Variants in HOPX observed in about 807,000 individuals in gnomAD.
HOPX encodes homeodomain-only protein.
HOPX carries 5 observed loss-of-function variants against 11.8 expected under a neutral mutation model. The ratio of observed to expected loss-of-function variants is 0.43; its 90% CI spans 0.22 to 0.89. The LOEUF (loss-of-function observed/expected upper bound fraction) is 0.89. Among genes scored for constraint, HOPX ranks in the 40% least tolerant of loss-of-function variants. The pLI, the probability that HOPX is intolerant of heterozygous loss-of-function variation, is 0.28. For synonymous variants in HOPX, 49 were observed against 49.7 expected (o/e 0.99, Z 0.06); for missense variants, 119 against 120.0 (o/e 0.99, Z 0.04).
chr4:56,660,175 G>A (rs1262613312), intron 1 of HOPX, among the ~76,000 whole-genome samples: 2 of 152,118 alleles, frequency 1.3e-5, no homozygotes, highest in African/African-American at 2.4e-5. Context: ...AAAAGATTTG[G>A]CAGTCTTAAG....
At chr4:56,656,221 T>A in intron 2 of HOPX, 10 of 1,133,702 alleles carry the variant, frequency 8.8e-6, no homozygotes, top group Non-Finnish European at 1.1e-5. Context: ...GACTGAGCGC[T>A]GTTGCGGGCT....
At chr4:56,675,254 T>C (rs1000187458) in intron 1 of HOPX, among the ~76,000 whole-genome samples, 2 of 151,586 alleles carry the variant, frequency 1.3e-5, no homozygotes, top group Non-Finnish European at 2.9e-5. Flanking sequence ...GAGGTCAGAA[T>C]GAGGACTGGG....
chr4:56,675,519 G>C (rs555608338), intron 1 of HOPX, among the ~76,000 whole-genome samples: 4 of 151,756 alleles, frequency 2.6e-5, no homozygotes, highest in Non-Finnish European at 5.9e-5. Flanking sequence ...CACCAGACCT[G>C]TCCTCTGCTC....
chr4:56,676,300 A>C (rs1243444361), intron 1 of HOPX, among the ~76,000 whole-genome samples: 2 of 151,540 alleles, frequency 1.3e-5, no homozygotes, highest in African/African-American at 4.9e-5. Context: ...TGTCTCAAAA[A>C]CAACAAAAAG....
chr4:56,679,581 A>C (rs971140579), intron 1 of HOPX: 4 of 151,762 alleles, frequency 2.6e-5, no homozygotes, highest in African/African-American at 7.3e-5. Flanking sequence ...GGGTTCAAGC[A>C]ATTATCCTGT....
In HOPX at chr4:56,657,826, A is replaced by T; in HGVS notation, c.-10T>A. 2.0e-6 allele frequency: 3 copies of T among 1,519,358 alleles called. No individual in the cohort carries two copies. Among genetic ancestry groups the T allele is most frequent in the Non-Finnish European group, 2.7e-6 (3 of 1,117,426 alleles). The allele number at this position is 1,519,358 out of a possible 1,614,324, so 94.1% of individuals were successfully genotyped here. A position where few individuals can be genotyped will look rare whatever the true frequency, so the allele number is the denominator to read the frequency against. On this transcript the variant is annotated 5_prime_UTR_variant, in exon 2 of 4. The change abolishes the stop of an existing upstream ORF in the 5' untranslated region. Coordinates refer to ENST00000420433, the MANE Select transcript of HOPX (RefSeq NM_032495.6). Reference sequence around the variant, plus strand: ...CCAGGAAAATGAGCATAGGAAGACTAACTTTCTGAATGTTGCCCAGCTGGT... The same window carrying T: ...CCAGGAAAATGAGCATAGGAAGACTTACTTTCTGAATGTTGCCCAGCTGGT...
At chr4:56,656,267 C>T (rs1162429187) in intron 2 of HOPX, 32 of 1,165,300 alleles carry the variant, frequency 2.7e-5, no homozygotes, top group Non-Finnish European at 3.2e-5. Flanking sequence ...CTCCCGCGCC[C>T]CCCGGGACCC....
At chr4:56,678,524 C>T (rs1346402519) in intron 1 of HOPX, among the ~76,000 whole-genome samples, 5 of 148,290 alleles carry the variant, frequency 3.4e-5, no homozygotes, top group African/African-American at 1.0e-4. Context: ...CCGCTCACTG[C>T]AACCTCTGCC....
intron 1 of HOPX, among the ~76,000 whole-genome samples, chr4:56,676,935 G>T (rs930220744): frequency 6.6e-6 from 1 of 151,304 alleles, no homozygotes; most frequent in Admixed American, 6.6e-5. Context: ...GCCCGAATGG[G>T]CCCATGGCCA....
chr4:56,674,499 A>G (rs1017893909), intron 1 of HOPX, among the ~76,000 whole-genome samples: 6 of 151,664 alleles, frequency 4.0e-5, no homozygotes, highest in African/African-American at 1.2e-4. Flanking sequence ...CCTAGATGGA[A>G]TGACTAGACC....
intron 1 of HOPX, among the ~76,000 whole-genome samples, chr4:56,677,917 T>C (rs1719099179): frequency 6.6e-6 from 1 of 151,652 alleles, no homozygotes; most frequent in Non-Finnish European, 1.5e-5. Context: ...GAGTGCCCAG[T>C]GTGTACACTG....
At chr4:56,665,549 A>G (rs1718383529) in intron 1 of HOPX, 1 of 152,214 alleles carries the variant, frequency 6.6e-6, no homozygotes, top group African/African-American at 2.4e-5. Context: ...TATCATCCTC[A>G]GTGCCCCCAA....
chr4:56,652,577 G>T (rs1451369817), intron 3 of HOPX, among the ~76,000 whole-genome samples: 1 of 142,760 alleles, frequency 7.0e-6, no homozygotes, highest in Admixed American at 6.8e-5. Context: ...GGAGGCCAAG[G>T]CAAGAGGATT....
At chr4:56,681,006 G>A (rs1184333486) in intron 1 of HOPX, 1 of 985,082 alleles carries the variant, frequency 1.0e-6, no homozygotes, top group Non-Finnish European at 1.2e-6. Flanking sequence ...TTGGCCAAAA[G>A]ACCAACACCA....
chr4:56,681,584 A>C, upstream of HOPX: 1 of 1,000,232 alleles, frequency 1.0e-6, no homozygotes, highest in Non-Finnish European at 1.2e-6. Context: ...AGATAGGATA[A>C]GAGAGATGTG....
chr4:56,669,292 G>A (rs1560372407), intron 1 of HOPX, among the ~76,000 whole-genome samples: 1 of 152,166 alleles, frequency 6.6e-6, no homozygotes, highest in African/African-American at 2.4e-5. Context: ...AGGAACCCAT[G>A]AAACACTAGG....
rs560126559 is a variant in HOPX, at chr4:56,672,409, C to G, written c.-84+8846G>C. Among the ~76,000 whole-genome samples the G allele has an allele frequency of 2.7e-3, 414 of 151,632 alleles. 5 individuals are homozygous for G. The highest frequency in any genetic ancestry group is 9.5e-3 in the African/African-American group (391 of 41,148). ...CAAAAATTAGCCAGGCATGGTGGCA[C>G]ACGCCTGTAATCCCAGCTGCTCTGG... On this transcript the variant is annotated intron_variant, in intron 1 of 3. Transcript: ENST00000420433.
At chr4:56,655,314 C>T (rs1251119103) in intron 3 of HOPX, among the ~76,000 whole-genome samples, 1 of 152,160 alleles carries the variant, frequency 6.6e-6, no homozygotes, top group African/African-American at 2.4e-5. Context: ...AGAGAGCATG[C>T]TTCACCGCTC....
intron 1 of HOPX, chr4:56,665,653 CTG>C (rs1404900271): frequency 6.6e-6 from 1 of 152,206 alleles, no homozygotes; most frequent in African/African-American, 2.4e-5. Flanking sequence ...TGAATAATTA[CTG>C]TGTGCCAGGT....
Sources: gnomAD v4.1 joint callset for allele counts (sites outside exome capture counted in the v4.1 genomes callset) on GRCh38, gnomAD v4.1.1 for gene constraint, MANE v1.5 for transcripts, NCBI Gene and HGNC (gene_info 2026-07-23, HGNC 2026-07-21) for gene names.